DUSP15: variants seen among roughly 807,000 people sequenced by gnomAD.
The protein encoded by DUSP15 is dual specificity phosphatase 15.
Under a neutral mutation model 26.3 loss-of-function variants are expected in DUSP15, and 23 were observed. The observed-to-expected ratio is 0.87, with a 90% CI of 0.63 to 1.24. The LOEUF (loss-of-function observed/expected upper bound fraction) is 1.24, where lower values mean the gene tolerates loss of function less well. Ranked by LOEUF, DUSP15 falls within the 50% of genes most tolerant of loss-of-function variation. The pLI is 0.00. For missense variants in DUSP15, 364 were observed against 320.6 expected (o/e 1.14, Z -1.03); for synonymous variants, 143 against 135.5 (o/e 1.06, Z -0.39).
intron 6 of DUSP15, among the ~76,000 whole-genome samples, chr20:31,851,624 G>A (rs1459451616): frequency 6.6e-6 from 1 of 152,110 alleles, no homozygotes; most frequent in African/African-American, 2.4e-5. Flanking sequence ...TGGGGACAGG[G>A]CTGGAGCTGG....
At chr20:31,870,596 CCCGCCTCGGGT>C, upstream of DUSP15, 1 of 1,393,284 alleles carries the variant, frequency 7.2e-7, no homozygotes, top group Non-Finnish European at 9.3e-7. This position sits in a 1 kb window ranked among gnomAD's most constrained non-coding sequence, Gnocchi z 6.6. Context: ...ATGTGGGGCC[CCCGCCTCGGGT>C]CGCGGCGGGG....
intron 7 of DUSP15, among the ~76,000 whole-genome samples, chr20:31,850,305 A>C (rs545973892): frequency 1.6e-4 from 25 of 152,314 alleles, no homozygotes; most frequent in African/African-American, 6.0e-4. Context: ...CTCGGATTCT[A>C]GTCTATCACT....
chr20:31,848,590 G>A lies in DUSP15; in HGVS notation c.727-25C>T, dbSNP rs1398704978. On this transcript the variant is annotated intron_variant, in intron 9 of 9. Coordinates refer to the DUSP15 transcript ENST00000278979. The stretch of plus-strand genomic sequence containing the variant: ...CCTGCGGGGGCGGGTGGGGCGATGA[G>A]CAGACCCTCTCCATTTCCCGCCTCG... 5 of 1,546,910 alleles carry A rather than the reference G, an allele frequency of 3.2e-6. No homozygotes were observed. In the East Asian group the frequency reaches 9.2e-5, roughly 29 times the overall value.
chr20:31,861,801 C>T (rs971238542), intron 6 of DUSP15, 126 bp from the exon 7 acceptor site: 6 of 757,642 alleles, frequency 7.9e-6, no homozygotes, highest in Non-Finnish European at 1.2e-5. Flanking sequence ...CTGAGCCCCT[C>T]CCTTCCTGAG....
downstream of DUSP15, among the ~76,000 whole-genome samples, chr20:31,845,997 A>G (rs745321563): frequency 7.9e-5 from 12 of 152,122 alleles, no homozygotes; most frequent in Admixed American, 2.6e-4. Flanking sequence ...GACAAAGATA[A>G]GACAGAGGCA....
rs1249816319 is a variant in DUSP15 at position 31,861,627 on chromosome 20, C to G, written c.484G>C (p.Glu162Gln). 3.7e-6 allele frequency: 5 copies of G among 1,349,340 alleles called. No homozygotes were observed. In the East Asian group the frequency reaches 1.4e-4, roughly 37 times the overall value. 83.6% of individuals were successfully genotyped at this position (1,349,340 alleles called of 1,614,324 possible). A position where few individuals can be genotyped will look rare whatever the true frequency, so the allele number is the denominator to read the frequency against. Reference protein sequence around the residue: ...ERFGESPFRDEEELRALLPLC... With the variant: ...ERFGESPFRDQEELRALLPLC... ...GGCAGCAGCGCGCGCAACTCCTCCT[C>G]GTCGCGGAAGGGGCTCTCGCCGAAG... Residue 162 changes from glutamate to glutamine, a missense_variant, in exon 7 of 7, where the codon GAG becomes CAG. Physicochemically the swap from Glu to Gln is conservative, Grantham distance 29. Transcript: ENST00000339738.
chr20:31,864,408 C>A (rs1211558955), intron 4 of DUSP15: 1 of 1,037,732 alleles, frequency 9.6e-7, no homozygotes, highest in Non-Finnish European at 1.2e-6. Flanking sequence ...CTGCTTGGCT[C>A]CATCCCAAGC....
chr20:31,850,688 G>T, intron 6 of DUSP15: 1 of 1,609,696 alleles, frequency 6.2e-7, no homozygotes, highest in Non-Finnish European at 8.5e-7. Flanking sequence ...TGGTGAAGGA[G>T]AGGAAGCAGT....
In DUSP15 at chr20:31,861,435, G is replaced by T; in HGVS notation, c.676C>A (p.Pro226Thr). ...ARVKQTFSCL[P>T]RCLSRKGGK The stretch of plus-strand genomic sequence containing the variant: ...CCGCCCTTGCGGGACAGACACCGGG[G>T]GAGGCAAGAGAAAGTCTGCTTGACG... The change falls in exon 7 of 7, where the codon CCC becomes ACC. Residue 226 changes from proline (P) to threonine (T), a missense_variant. Transcript: ENST00000339738. 1 of 1,561,262 alleles carries T rather than the reference G, an allele frequency of 6.4e-7. No homozygotes were observed. Among genetic ancestry groups the T allele is most frequent in the Admixed American group, 1.8e-5 (1 of 54,938 alleles).
downstream of DUSP15, among the ~76,000 whole-genome samples, chr20:31,860,314 A>T (rs554283700): frequency 7.9e-5 from 12 of 152,324 alleles, no homozygotes; most frequent in South Asian, 2.3e-3. Flanking sequence ...TAAGAACCCC[A>T]TACGAGTGGC....
chr20:31,867,765 C>G (rs1400653525), intron 2 of DUSP15, among the ~76,000 whole-genome samples: 1 of 151,276 alleles, frequency 6.6e-6, no homozygotes, highest in Non-Finnish European at 1.5e-5. Flanking sequence ...CTGCCTCAGC[C>G]TCCGGAGTAG....
chr20:31,869,337 A>T (rs554190976), intron 2 of DUSP15, among the ~76,000 whole-genome samples: 12 of 151,964 alleles, frequency 7.9e-5, no homozygotes, highest in Non-Finnish European at 1.3e-4. Context: ...GCGGGGAGGG[A>T]TGTCAGTGTC....
chr20:31,849,602 T>C, intron 8 of DUSP15: 1 of 1,430,694 alleles, frequency 7.0e-7, no homozygotes, highest in East Asian at 2.3e-5. Context: ...CTTGTTGGGC[T>C]GCGCCAGTAC....
At chr20:31,869,655 A>G in intron 1 of DUSP15, 58 bp from the exon 2 acceptor site, 1 of 1,601,132 alleles carries the variant, frequency 6.2e-7, no homozygotes, top group Non-Finnish European at 8.5e-7. Context: ...TTCCACCCCC[A>G]GGGCAGCTGG....
At position 31,861,631 on chromosome 20, in the gene DUSP15, G is replaced by A. The variant is rs1416339077; in HGVS notation, c.480C>T (p.Arg160=). The A allele has an allele frequency of 6.7e-7, 1 of 1,491,876 alleles. No homozygotes were observed. Among genetic ancestry groups the A allele is most frequent in the South Asian group, 1.3e-5 (1 of 79,646 alleles). 92.4% of individuals were successfully genotyped at this position (1,491,876 alleles called of 1,614,324 possible). Residue 160 remains arginine, a synonymous_variant, in exon 7 of 7, where the codon CGC becomes CGT. Transcript: ENST00000339738. ...GCAGCGCGCGCAACTCCTCCTCGTC[G>A]CGGAAGGGGCTCTCGCCGAAGCGCT... The part of the protein sequence containing the change: ...LEERFGESPF[R]DEEELRALLP...
intron 6 of DUSP15, among the ~76,000 whole-genome samples, chr20:31,851,515 G>A (rs1226737122): frequency 6.6e-6 from 1 of 152,110 alleles, no homozygotes; most frequent in Admixed American, 6.5e-5. Context: ...ACAGGGCAAT[G>A]AAACTGAAGA....
At chr20:31,869,037 G>A (rs1453437934) in intron 2 of DUSP15, among the ~76,000 whole-genome samples, 1 of 152,172 alleles carries the variant, frequency 6.6e-6, no homozygotes, top group African/African-American at 2.4e-5. Context: ...TGGTGCTCAT[G>A]ACCCTGCTCA....
In DUSP15 at chr20:31,862,643, G is replaced by A. The variant is rs377459644; in HGVS notation, c.363C>T (p.Thr121=). The part of the protein sequence containing the change: ...WRDVLEAIKA[T]RPIANPNPGF... ...CTGGGTTGGGGTTGGCGATGGGCCT[G>A]GTGGCCTTGATGGCTTCAAGCACGT... Residue 121 remains threonine, a synonymous_variant, in exon 6 of 7, where the codon ACC becomes ACT. Coordinates refer to ENST00000339738, the MANE Select transcript of DUSP15 (RefSeq NM_080611.5). The A allele has an allele frequency of 1.9e-6, 3 of 1,613,994 alleles. No individual in the cohort carries two copies. The African/African-American group carries it at 4.0e-5, about 22-fold the overall frequency.
At chr20:31,869,847 G>C in intron 1 of DUSP15, 2 of 1,416,336 alleles carry the variant, frequency 1.4e-6, no homozygotes, top group Non-Finnish European at 1.8e-6. Flanking sequence ...GTATGAGAGG[G>C]GAGAGGAGGA....
Sources: gnomAD v4.1 joint callset for allele counts (sites outside exome capture counted in the v4.1 genomes callset) on GRCh38, gnomAD v4.1.1 for gene constraint, Gnocchi (gnomAD v3.1) non-coding constraint, MANE v1.5 for transcripts, NCBI Gene and HGNC (gene_info 2026-07-23, HGNC 2026-07-21) for gene names.